The following ZNF716 variants were observed in gnomAD, a reference collection of about 807,000 sequenced individuals.
ZNF716 encodes the protein zinc finger protein 716.
ZNF716 carries 9 observed loss-of-function variants against 13.4 expected under a neutral mutation model. The observed-to-expected ratio is 0.67, with a 90% CI of 0.41 to 1.18. ZNF716 has a LOEUF of 1.18. Ranked by LOEUF, ZNF716 falls within the 50% of genes most tolerant of loss-of-function variation. The pLI is 0.01. For synonymous variants in ZNF716, 186 were observed against 195.2 expected, an observed-to-expected ratio of 0.95 and a Z score of 0.39; for missense variants, 581 against 576.6, an observed-to-expected ratio of 1.01 and a Z score of -0.08.
At position 57,472,234 on chromosome 7, in the gene ZNF716, A is replaced by G. The variant is rs187177505; in HGVS notation, c.*2285A>G. 68 of 152,326 alleles carry G rather than the reference A, an allele frequency of 4.5e-4. 1 individual carries two copies. In the East Asian group the frequency reaches 0.011, roughly 25 times the overall value. 9.4% of individuals were successfully genotyped at this position (152,326 alleles called of 1,614,324 possible). ...AGGCGAGCGTTCAGAGTAATATTCTAAATTCTAGTGAGGAAAACCTTTGAA... is the reference window on the plus strand; with the variant it reads ...AGGCGAGCGTTCAGAGTAATATTCTGAATTCTAGTGAGGAAAACCTTTGAA... On this transcript the variant is annotated 3_prime_UTR_variant, in exon 4 of 4. Transcript: ENST00000420713.
rs1320769426 is a variant in ZNF716 at position 57,470,791 on chromosome 7, G to T, written c.*842G>T. The T allele has an allele frequency of 2.0e-5, 3 of 151,772 alleles. No homozygotes were observed. The highest frequency in any genetic ancestry group is 7.3e-5 in the African/African-American group (3 of 41,312). The allele number at this position is 151,772 out of a possible 1,614,324, so 9.4% of individuals were successfully genotyped here. On this transcript the variant is annotated 3_prime_UTR_variant, in exon 4 of 4. Transcript: ENST00000420713. ...ATTAATTAAAATATTTTATACTGGA[G>T]AGAAACTCTACATACATAAAAAATG... is the stretch of plus-strand genomic sequence containing the variant.
chr7:57,471,851 G>C lies in ZNF716; in HGVS notation c.*1902G>C, dbSNP rs781817287. ...ATTACACTAAATCAGAGTGTTGAGT[G>C]TAAAAAAGATATAAATCTAACAATA... On this transcript the variant is annotated 3_prime_UTR_variant, in exon 4 of 4. Coordinates refer to ENST00000420713, the MANE Select transcript of ZNF716 (RefSeq NM_001159279.1). The C allele has an allele frequency of 2.0e-5, 3 of 151,992 alleles. No homozygotes were observed. The highest frequency in any genetic ancestry group is 7.3e-5 in the African/African-American group (3 of 41,362). 9.4% of individuals were successfully genotyped at this position (151,992 alleles called of 1,614,324 possible).
intron 3 of ZNF716, among the ~76,000 whole-genome samples, chr7:57,463,898 A>G (rs556695689): frequency 6.6e-6 from 1 of 152,156 alleles, no homozygotes; most frequent in African/African-American, 2.4e-5. Context: ...CAGCTTACAC[A>G]GGTTTCAATT....
intron 3 of ZNF716, among the ~76,000 whole-genome samples, chr7:57,467,197 TA>T: frequency 6.6e-6 from 1 of 152,132 alleles, no homozygotes; most frequent in East Asian, 1.9e-4. Flanking sequence ...TGTCACTAAT[TA>T]TATCTTTTTA....
Position 57,469,798 on chromosome 7 carries a change from C to T in ZNF716, c.1337C>T (p.Thr446Ile), listed in dbSNP as rs538387754. 1.2e-6 allele frequency: 2 copies of T among 1,605,552 alleles called. No individual in the cohort carries two copies. The highest frequency in any genetic ancestry group is 1.7e-4 in the Middle Eastern group (1 of 6,042). ...YKCKECGKAF[T>I]FSSTLNTHKR... ...TGTAAAGAATGTGGGAAAGCCTTTA[C>T]CTTCTCCTCAACTCTAAATACTCAT... Residue 446 changes from threonine to isoleucine, a missense_variant, in exon 4 of 4, where the codon ACC becomes ATC. Transcript: ENST00000420713.
rs377387727 is a variant in ZNF716 at position 57,468,999 on chromosome 7, A to C, written c.538A>C (p.Thr180Pro). 8.1e-6 allele frequency: 13 copies of C among 1,607,944 alleles called. No individual in the cohort carries two copies. The African/African-American group carries it at 1.5e-4, about 18-fold the overall frequency. The change falls in exon 4 of 4, where the codon ACT becomes CCT. Residue 180 changes from threonine to proline, a missense_variant. By Grantham distance (38) the Thr-to-Pro change is conservative. Coordinates refer to ENST00000420713, the MANE Select transcript of ZNF716 (RefSeq NM_001159279.1). ...SNSNRHKTRH[T>P]GKKHFKCKND... ...TTCCAATAGACACAAGACAAGACAT[A>C]CTGGAAAGAAACATTTCAAATGTAA...
rs115033297 is a variant in ZNF716, at chr7:57,450,599, A to G, written c.39+272A>G. Among the ~76,000 whole-genome samples, 862 of 152,162 alleles carry G rather than the reference A, an allele frequency of 5.7e-3. 11 individuals are homozygous for G. Among genetic ancestry groups the G allele is most frequent in the African/African-American group, 0.02 (812 of 41,520 alleles). ...GGCAGCTCTACACTCCCAGCGCCTC[A>G]TCTCACCCAGACTGTGCAGGGATGG... On this transcript the variant is annotated intron_variant, in intron 1 of 3. Coordinates refer to ENST00000420713, the MANE Select transcript of ZNF716 (RefSeq NM_001159279.1).
intron 3 of ZNF716, 115 bp from the exon 4 acceptor site, chr7:57,468,609 T>C: frequency 1.9e-6 from 2 of 1,035,736 alleles, no homozygotes; most frequent in Non-Finnish European, 1.4e-6. Flanking sequence ...CGGCTTGTGG[T>C]ATTTTGATAT....
intron 1 of ZNF716, among the ~76,000 whole-genome samples, chr7:57,452,251 A>AT (rs1188176123): frequency 3.3e-5 from 5 of 152,084 alleles, no homozygotes; most frequent in East Asian, 3.9e-4. Context: ...TACATTAATT[A>AT]TTTTTTTTAA....
intron 1 of ZNF716, among the ~76,000 whole-genome samples, chr7:57,456,080 C>A (rs1224765029): frequency 6.6e-6 from 1 of 152,018 alleles, no homozygotes; most frequent in East Asian, 2.0e-4. Context: ...CTCAGCCTCC[C>A]GAGTAGCTAG....
chr7:57,464,698 T>C lies in ZNF716; in HGVS notation c.262+1530T>C, dbSNP rs1355165186. On this transcript the variant is annotated intron_variant, in intron 3 of 3. Coordinates refer to ENST00000420713, the MANE Select transcript of ZNF716 (RefSeq NM_001159279.1). ...TCCTGTCTTTCCACTATATTTTTTT[T>C]CTAAGAGTTTCGTTACTTTTTTTTC... is the stretch of plus-strand genomic sequence containing the variant. 2.8e-5 allele frequency among the ~76,000 whole-genome samples: 4 copies of C among 144,800 alleles called. No individual in the cohort carries two copies. The South Asian group carries it at 7.0e-4, about 25-fold the overall frequency. The allele number at this position is 144,800 out of a possible 152,430, so 95.0% of individuals were successfully genotyped here.
rs530945882 is a variant in ZNF716, at chr7:57,466,534, G to A, written c.263-2190G>A. On this transcript the variant is annotated intron_variant, in intron 3 of 3. Transcript: ENST00000420713. The stretch of plus-strand genomic sequence containing the variant: ...AACCTGGCTCCTCCACCTCACACTC[G>A]CATCATCTTTCATTATGTGACATGG... Among the ~76,000 whole-genome samples, 14 of 152,134 alleles carry A rather than the reference G, an allele frequency of 9.2e-5. No individual in the cohort carries two copies. In the East Asian group the frequency reaches 1.2e-3, roughly 13 times the overall value.
Position 57,469,157 on chromosome 7 carries a change from A to T in ZNF716, c.696A>T (p.Lys232Asn). The change falls in exon 4 of 4, where the codon AAA becomes AAT. Residue 232 changes from lysine (K) to asparagine (N), a missense_variant. Coordinates refer to ENST00000420713, the MANE Select transcript of ZNF716 (RefSeq NM_001159279.1). ...GCTCTTCAACCCTTACTAGACATAA[A>T]AGAATTCATACTGGAGAGAAACCCT... ...FNCSSTLTRH[K>N]RIHTGEKPYR... 6.2e-7 allele frequency: 1 copy of T among 1,611,942 alleles called. No individual in the cohort carries two copies. The highest frequency in any genetic ancestry group is 8.5e-7 in the Non-Finnish European group (1 of 1,179,000).
At chr7:57,466,891 A>G (rs1263860238) in intron 3 of ZNF716, among the ~76,000 whole-genome samples, 2 of 151,960 alleles carry the variant, frequency 1.3e-5, no homozygotes, top group Non-Finnish European at 2.9e-5. Context: ...ATATATTTTG[A>G]AGCCCTGATA....
chr7:57,465,774 G>A (rs1789797737), intron 3 of ZNF716, among the ~76,000 whole-genome samples: 1 of 152,140 alleles, frequency 6.6e-6, no homozygotes. Flanking sequence ...CGAAGACTTG[G>A]AACTAACCCA....
chr7:57,469,491 A>G lies in ZNF716; in HGVS notation c.1030A>G (p.Ile344Val). 1 of 1,613,022 alleles carries G rather than the reference A, an allele frequency of 6.2e-7. No homozygotes were observed. The highest frequency in any genetic ancestry group is 8.5e-7 in the Non-Finnish European group (1 of 1,179,460). ...ATCCTCAACCCTTAAGAAACATAAGATAGTTCATACTGGGGAGAAACTCTA... is the reference window on the plus strand; with the variant it reads ...ATCCTCAACCCTTAAGAAACATAAGGTAGTTCATACTGGGGAGAAACTCTA... ...SLSSTLKKHK[I>V]VHTGEKLYTC... The change falls in exon 4 of 4, where the codon ATA becomes GTA. Residue 344 changes from isoleucine (I) to valine (V), a missense_variant. Transcript: ENST00000420713.
At chr7:57,460,253 A>G (rs10253263) in intron 1 of ZNF716, among the ~76,000 whole-genome samples, 1,819 of 151,868 alleles carry the variant, frequency 0.012, 42 homozygotes, top group African/African-American at 0.042. Context: ...AAATTAGCTG[A>G]GAGTGGTAGC....
intron 1 of ZNF716, among the ~76,000 whole-genome samples, chr7:57,456,190 A>G (rs1789587192): frequency 6.6e-6 from 1 of 151,382 alleles, no homozygotes; most frequent in Non-Finnish European, 1.5e-5. Flanking sequence ...TCCTGACCTC[A>G]TGATCCACCC....
In ZNF716 at chr7:57,468,715, G is replaced by C; in HGVS notation, c.263-9G>C. 1 of 1,588,800 alleles carries C rather than the reference G, an allele frequency of 6.3e-7. No individual in the cohort carries two copies. Among genetic ancestry groups the C allele is most frequent in the Non-Finnish European group, 8.5e-7 (1 of 1,173,060 alleles). ...AAGTGGAGAAACTTGTGATTTTTAT[G>C]TCTTTCAGTTACATGTTCTCATTTC... is the stretch of plus-strand genomic sequence containing the variant. On this transcript the variant is annotated splice_polypyrimidine_tract_variant and intron_variant, in intron 3 of 3. Coordinates refer to ENST00000420713, the MANE Select transcript of ZNF716 (RefSeq NM_001159279.1).
Sources: allele counts gnomAD v4.1 joint callset (sites outside exome capture counted in the v4.1 genomes callset), GRCh38; gene constraint gnomAD v4.1.1; transcripts MANE v1.5; gene names NCBI Gene and HGNC (gene_info 2026-07-23, HGNC 2026-07-21).